The following LRRTM4 variants were observed in gnomAD, a reference collection of about 807,000 sequenced individuals.
LRRTM4 encodes the protein leucine rich repeat transmembrane neuronal 4.
A neutral mutation model predicts 47.6 loss-of-function variants in LRRTM4; 25 were observed. The observed-to-expected ratio is 0.53, with a 90% confidence interval of 0.38 to 0.73. The LOEUF (loss-of-function observed/expected upper bound fraction) is 0.73, where lower values mean the gene tolerates loss of function less well. Ranked by LOEUF, LRRTM4 falls within the 30% of genes least tolerant of loss-of-function variation. The pLI is 0.00. For missense variants in LRRTM4, 638 were observed against 713.4 expected (o/e 0.89, Z 1.20); for synonymous variants, 311 against 269.5 (o/e 1.15, Z -1.51).
At chr2:77,398,180 T>C (rs528197700) in intron 3 of LRRTM4, among the ~76,000 whole-genome samples, 14 of 152,026 alleles carry the variant, frequency 9.2e-5, no homozygotes, top group African/African-American at 3.4e-4. Flanking sequence ...CTAATTGTAT[T>C]ATGACTTAAA....
chr2:76,844,051 A>G (rs567774762), intron 3 of LRRTM4, among the ~76,000 whole-genome samples: 1 of 150,458 alleles, frequency 6.6e-6, no homozygotes, highest in East Asian at 2.0e-4. Context: ...ACAGGCGCCC[A>G]CCAGCAAGCC....
chr2:76,855,478 G>A (rs1190957202), intron 3 of LRRTM4, among the ~76,000 whole-genome samples: 1 of 152,144 alleles, frequency 6.6e-6, no homozygotes, highest in South Asian at 2.1e-4. Flanking sequence ...TAAAATTTCT[G>A]TTAAAACCAA....
At chr2:76,795,569 G>A (rs72815440) in intron 3 of LRRTM4, among the ~76,000 whole-genome samples, 11,720 of 139,628 alleles carry the variant, frequency 0.084, 611 homozygotes, top group Non-Finnish European at 0.11. Context: ...ATATACATGT[G>A]CATATATATG....
intron 3 of LRRTM4, among the ~76,000 whole-genome samples, chr2:77,081,649 T>G (rs1164965604): frequency 6.6e-6 from 1 of 152,106 alleles, no homozygotes; most frequent in East Asian, 1.9e-4. Flanking sequence ...AAGTTTGGGG[T>G]TCTATATATT....
chr2:77,513,160 CA>C (rs766157671), intron 3 of LRRTM4, among the ~76,000 whole-genome samples: 129 of 152,226 alleles, frequency 8.5e-4, no homozygotes, highest in Non-Finnish European at 1.6e-3. Flanking sequence ...TGTGCTCACA[CA>C]TGTGTATGCG....
rs190611220 is a variant in LRRTM4 at position 77,108,045 on chromosome 2, T to G, written c.1552-359129A>C. Among the ~76,000 whole-genome samples the G allele has an allele frequency of 1.3e-3, 204 of 152,040 alleles. 1 individual carries two copies. The highest frequency in any genetic ancestry group is 0.01 in the Middle Eastern group (3 of 294). On this transcript the variant is annotated intron_variant, in intron 3 of 3. Transcript: ENST00000409884. ...AAATTCATTAAAAAAACTGAATTTATTGCATATTAAACTCTGTGAAAAAAC... is the reference window on the plus strand; with the variant it reads ...AAATTCATTAAAAAAACTGAATTTAGTGCATATTAAACTCTGTGAAAAAAC...
At chr2:76,938,756 T>G (rs1409411560) in intron 3 of LRRTM4, among the ~76,000 whole-genome samples, 2 of 152,146 alleles carry the variant, frequency 1.3e-5, no homozygotes, top group African/African-American at 4.8e-5. Flanking sequence ...AAGCTTATTT[T>G]AAAAATTATC....
chr2:77,063,660 A>G (rs964597976), intron 3 of LRRTM4, among the ~76,000 whole-genome samples: 3 of 152,158 alleles, frequency 2.0e-5, no homozygotes, highest in African/African-American at 7.2e-5. Context: ...CTCTTTTTAT[A>G]ACTCCCAAAA....
chr2:76,807,413 T>C (rs7574478), intron 3 of LRRTM4, among the ~76,000 whole-genome samples: 5 of 95,032 alleles, frequency 5.3e-5, no homozygotes, highest in African/African-American at 2.4e-4. Context: ...TATACGTATA[T>C]ATATATATAT....
rs187056270 is a variant in LRRTM4 at position 76,844,803 on chromosome 2, A to T, written c.1552-95887T>A. Among the ~76,000 whole-genome samples, 438 of 152,310 alleles carry T rather than the reference A, an allele frequency of 2.9e-3. 2 individuals are homozygous for T. The highest frequency in any genetic ancestry group is 4.5e-3 in the Non-Finnish European group (307 of 68,032). On this transcript the variant is annotated intron_variant, in intron 3 of 3. Transcript: ENST00000409884. Reference sequence around the variant, plus strand: ...GAGGAGTGCTGGTATAATATTACCAAACTCATACATATTGTGTAGCTGGAT... The same window carrying T: ...GAGGAGTGCTGGTATAATATTACCATACTCATACATATTGTGTAGCTGGAT...
chr2:77,052,327 C>T (rs1045928467), intron 3 of LRRTM4, among the ~76,000 whole-genome samples: 5 of 151,656 alleles, frequency 3.3e-5, no homozygotes, highest in Admixed American at 3.3e-4. Context: ...TGCCACCACG[C>T]CTGGCTAGTT....
intron 3 of LRRTM4, among the ~76,000 whole-genome samples, chr2:76,754,063 C>G (rs1207960125): frequency 6.6e-6 from 1 of 152,074 alleles, no homozygotes; most frequent in Non-Finnish European, 1.5e-5. Flanking sequence ...GACATTTCAT[C>G]TCTAATTTTC....
At chr2:76,907,987 A>T (rs1249672911) in intron 3 of LRRTM4, among the ~76,000 whole-genome samples, 3 of 151,852 alleles carry the variant, frequency 2.0e-5, no homozygotes, top group Non-Finnish European at 4.4e-5. Flanking sequence ...TCCCTAACTC[A>T]TTTTATGAGG....
chr2:76,856,815 C>T (rs1163230558), intron 3 of LRRTM4, among the ~76,000 whole-genome samples: 1 of 151,898 alleles, frequency 6.6e-6, no homozygotes, highest in African/African-American at 2.4e-5. Context: ...AACAAAGATA[C>T]ACAACAAGAT....
chr2:77,017,252 T>C (rs903811160), intron 3 of LRRTM4, among the ~76,000 whole-genome samples: 1 of 152,168 alleles, frequency 6.6e-6, no homozygotes, highest in Non-Finnish European at 1.5e-5. Context: ...TACCATCTTA[T>C]CACTTTAAGT....
intron 3 of LRRTM4, among the ~76,000 whole-genome samples, chr2:77,423,950 G>A (rs985558394): frequency 6.6e-6 from 1 of 151,266 alleles, no homozygotes; most frequent in African/African-American, 2.4e-5. Context: ...ATGCTATCTT[G>A]TTTTTCAGCT....
chr2:76,928,307 T>C (rs1350067758), intron 3 of LRRTM4, among the ~76,000 whole-genome samples: 2 of 152,188 alleles, frequency 1.3e-5, no homozygotes, highest in Non-Finnish European at 2.9e-5. Context: ...ACATTAAAAG[T>C]GGTATCATGT....
chr2:76,779,413 G>A (rs184749743), intron 3 of LRRTM4, among the ~76,000 whole-genome samples: 17,934 of 143,228 alleles, frequency 0.13, 1,269 homozygotes, highest in Middle Eastern at 0.19. Flanking sequence ...TTTGTAGGTC[G>A]CTCAGGACTT....
Position 77,357,890 on chromosome 2 carries a change from C to T in LRRTM4, c.1551+160428G>A, listed in dbSNP as rs116218168. Among the ~76,000 whole-genome samples, 541 of 152,190 alleles carry T rather than the reference C, an allele frequency of 3.6e-3. 2 individuals are homozygous for T. Among genetic ancestry groups the T allele is most frequent in the African/African-American group, 0.012 (509 of 41,530 alleles). ...AAATAATAGAAAAAATAACTTCCCA[C>T]TCAGAGGGATTCTTATTATTTTATT... On this transcript the variant is annotated intron_variant, in intron 3 of 3. Transcript: ENST00000409884.
Sources: gnomAD v4.1 joint callset for allele counts (sites outside exome capture counted in the v4.1 genomes callset) on GRCh38, gnomAD v4.1.1 for gene constraint, MANE v1.5 for transcripts, NCBI Gene and HGNC (gene_info 2026-07-23, HGNC 2026-07-21) for gene names.